The following DNM3 variants were observed in gnomAD, a reference collection of about 807,000 sequenced individuals.
DNM3 encodes dynamin 3, also known as dynamin-3.
DNM3 carries 47 observed loss-of-function variants against 101.6 expected under a neutral mutation model. That is an observed-to-expected ratio of 0.46 (90% confidence interval 0.37 to 0.59). The LOEUF is 0.59. Ranked by LOEUF, DNM3 falls within the 20% of genes least tolerant of loss-of-function variation. DNM3 has a pLI of 0.00. For synonymous variants in DNM3, 385 were observed against 387.9 expected (o/e 0.99, Z 0.09); for missense variants, 849 against 1,085.7 (o/e 0.78, Z 3.06).
intron 14 of DNM3, among the ~76,000 whole-genome samples, chr1:172,192,643 C>G (rs566531332): frequency 6.6e-6 from 1 of 150,476 alleles, no homozygotes; most frequent in African/African-American, 2.4e-5. Flanking sequence ...TTTTTGTTCT[C>G]GCGATAGTTT....
chr1:172,084,708 G>C (rs149742629), intron 12 of DNM3, among the ~76,000 whole-genome samples: 1 of 152,260 alleles, frequency 6.6e-6, no homozygotes, highest in African/African-American at 2.4e-5. Context: ...AGACAATTAT[G>C]TAAGTATTTT....
chr1:171,986,439 T>A (rs940402324), intron 2 of DNM3, among the ~76,000 whole-genome samples: 6 of 152,208 alleles, frequency 3.9e-5, no homozygotes, highest in African/African-American at 1.4e-4. Context: ...AAGGTGTATG[T>A]AAGACTCTTT....
chr1:172,133,014 G>A (rs1356417774), intron 14 of DNM3: 2 of 1,515,398 alleles, frequency 1.3e-6, no homozygotes, highest in East Asian at 2.5e-5. Context: ...ATAAAGGCAA[G>A]AATCCCAGAG....
At chr1:172,304,218 A>AAAAAAAAAC (rs1182798546) in intron 15 of DNM3, among the ~76,000 whole-genome samples, 2 of 135,102 alleles carry the variant, frequency 1.5e-5, no homozygotes, top group African/African-American at 6.7e-5. Context: ...AAAAAAAAAA[A>AAAAAAAAAC]AAAACAGGAG....
At chr1:172,296,298 C>T (rs2064157949) in intron 15 of DNM3, among the ~76,000 whole-genome samples, 1 of 152,210 alleles carries the variant, frequency 6.6e-6, no homozygotes, top group Non-Finnish European at 1.5e-5. Context: ...AGACAAGTCT[C>T]TCCACCAAAG....
chr1:172,234,009 C>T (rs1446887413), intron 14 of DNM3, among the ~76,000 whole-genome samples: 1 of 152,190 alleles, frequency 6.6e-6, no homozygotes, highest in African/African-American at 2.4e-5. Flanking sequence ...CTCACCACTC[C>T]TATTCAACAT....
At chr1:172,376,116 A>T (rs1185291125) in intron 17 of DNM3, 1 of 152,158 alleles carries the variant, frequency 6.6e-6, no homozygotes, top group Non-Finnish European at 1.5e-5. Flanking sequence ...GGTAATTTTT[A>T]TAAATGACTT....
chr1:172,222,468 T>A lies in DNM3; in HGVS notation c.1660-31105T>A, dbSNP rs182367710. Among the ~76,000 whole-genome samples the A allele has an allele frequency of 7.9e-5, 12 of 152,272 alleles. No individual in the cohort carries two copies. In the East Asian group the frequency reaches 2.1e-3, roughly 27 times the overall value. Reference sequence around the variant, plus strand: ...GTTGGTGAAGAGGCCAAGGTTTGCATCAAGGAAGGTGATTATAGAGAACAA... The same window carrying A: ...GTTGGTGAAGAGGCCAAGGTTTGCAACAAGGAAGGTGATTATAGAGAACAA... On this transcript the variant is annotated intron_variant, in intron 14 of 20. Coordinates refer to ENST00000627582, the MANE Select transcript of DNM3 (RefSeq NM_015569.5).
intron 14 of DNM3, among the ~76,000 whole-genome samples, chr1:172,200,381 C>T (rs1383947535): frequency 6.6e-6 from 1 of 151,946 alleles, no homozygotes; most frequent in African/African-American, 2.4e-5. Context: ...CAGTTATGGC[C>T]TTAGGATAAT....
At chr1:172,331,980 C>A (rs535390532) in intron 17 of DNM3, among the ~76,000 whole-genome samples, 8 of 151,716 alleles carry the variant, frequency 5.3e-5, no homozygotes, top group Middle Eastern at 3.4e-3. Flanking sequence ...TTTTGTAGAG[C>A]CAATCTTTTG....
At chr1:172,418,247 G>A (rs1445877980) in intron 20 of DNM3, 1 of 1,276,522 alleles carries the variant, frequency 7.8e-7, no homozygotes, top group South Asian at 1.2e-5. Flanking sequence ...CTTTCTTTTT[G>A]TTATTTTGTT....
At chr1:172,059,677 G>A (rs1234782659) in intron 10 of DNM3, among the ~76,000 whole-genome samples, 4 of 100,570 alleles carry the variant, frequency 4.0e-5, no homozygotes, top group Non-Finnish European at 7.6e-5. Context: ...AATAAATTAG[G>A]TATTGATGGG....
chr1:172,040,772 C>G (rs1358062309), intron 7 of DNM3, among the ~76,000 whole-genome samples: 1 of 151,926 alleles, frequency 6.6e-6, no homozygotes, highest in Non-Finnish European at 1.5e-5. Context: ...AATGCTTGAG[C>G]TGAGTCTTAA....
At chr1:172,094,687 C>T (rs1421646425) in intron 13 of DNM3, among the ~76,000 whole-genome samples, 1 of 152,112 alleles carries the variant, frequency 6.6e-6, no homozygotes, top group African/African-American at 2.4e-5. Flanking sequence ...ACATTACTCC[C>T]AAAAGTTAGG....
At chr1:172,175,686 G>A (rs1280412053) in intron 14 of DNM3, among the ~76,000 whole-genome samples, 1 of 151,572 alleles carries the variant, frequency 6.6e-6, no homozygotes, top group African/African-American at 2.4e-5. Flanking sequence ...GTGCACTTTT[G>A]GTAAACATTT....
At chr1:171,907,869 A>G (rs1224576786) in intron 1 of DNM3, among the ~76,000 whole-genome samples, 6 of 152,224 alleles carry the variant, frequency 3.9e-5, no homozygotes, top group Non-Finnish European at 8.8e-5. Context: ...ATGTTCAATG[A>G]TAACTACTTT....
chr1:172,253,800 G>A (rs1475792434), intron 15 of DNM3, 118 bp downstream of exon 15: 3 of 529,604 alleles, frequency 5.7e-6, no homozygotes, highest in South Asian at 5.6e-5. Flanking sequence ...CTGCTCTTCA[G>A]TTTTCCTTTC....
chr1:172,006,736 A>C (rs1165290160), intron 4 of DNM3, among the ~76,000 whole-genome samples: 1 of 152,070 alleles, frequency 6.6e-6, no homozygotes, highest in Non-Finnish European at 1.5e-5. Flanking sequence ...GAGCTTTGAC[A>C]AATGTCAACC....
chr1:172,374,570 T>A (rs1467383120), intron 17 of DNM3, among the ~76,000 whole-genome samples: 1 of 152,150 alleles, frequency 6.6e-6, no homozygotes, highest in Non-Finnish European at 1.5e-5. Context: ...AGTTTTTACA[T>A]GTAAAGCAAG....
Sources: allele counts gnomAD v4.1 joint callset (sites outside exome capture counted in the v4.1 genomes callset), GRCh38; gene constraint gnomAD v4.1.1; transcripts MANE v1.5; gene names NCBI Gene and HGNC (gene_info 2026-07-23, HGNC 2026-07-21).